Variants in PAM observed in about 807,000 individuals in gnomAD.
PAM encodes peptidyl-glycine alpha-amidating monooxygenase.
In PAM, 72 loss-of-function variants were observed where a neutral mutation model predicts 122.1. The observed-to-expected ratio is 0.59, with a 90% CI of 0.49 to 0.72. The LOEUF (loss-of-function observed/expected upper bound fraction) is 0.72, where lower values mean the gene tolerates loss of function less well. PAM is among the 30% of genes least tolerant of loss of function. The pLI, the probability that PAM is intolerant of heterozygous loss-of-function variation, is 0.00. For missense variants in PAM, 1,106 were observed against 1,183.7 expected, an observed-to-expected ratio of 0.93 and a Z score of 0.96; for synonymous variants, 389 against 404.4, an observed-to-expected ratio of 0.96 and a Z score of 0.46.
rs1788512373 is a variant in PAM, at chr5:102,874,469, G to A, written c.210+7076G>A. Among the ~76,000 whole-genome samples the A allele has an allele frequency of 2.0e-5, 3 of 147,454 alleles. No individual in the cohort carries two copies. The South Asian group carries it at 6.3e-4, about 31-fold the overall frequency. On this transcript the variant is annotated intron_variant, in intron 3 of 25. Coordinates refer to ENST00000438793, the MANE Select transcript of PAM (RefSeq NM_001177306.2). Reference sequence around the variant, plus strand: ...AAGATACGATTGAACTATTAACAATGTTTTTTTTTAATAATAGAAACATGC... The same window carrying A: ...AAGATACGATTGAACTATTAACAATATTTTTTTTTAATAATAGAAACATGC...
chr5:102,766,128 T>A (rs1753865572), intron 1 of PAM, among the ~76,000 whole-genome samples: 1 of 152,176 alleles, frequency 6.6e-6, no homozygotes, highest in Non-Finnish European at 1.5e-5. Flanking sequence ...CTAACCTTTT[T>A]GGCACCAGGA....
intron 14 of PAM, among the ~76,000 whole-genome samples, chr5:102,964,429 C>G (rs1763419472): frequency 6.6e-6 from 1 of 151,876 alleles, no homozygotes; most frequent in Non-Finnish European, 1.5e-5. Context: ...ACCTCAGATT[C>G]TGTCTCAAAA....
rs192895341 is a variant in PAM, at chr5:102,768,551, T to G, written c.-374+13203T>G. Among the ~76,000 whole-genome samples, 411 of 152,282 alleles carry G rather than the reference T, an allele frequency of 2.7e-3. 2 individuals carry two copies. The highest frequency in any genetic ancestry group is 4.7e-3 in the Admixed American group (72 of 15,300). ...TACTATCTCCATGAGTTCAATTGTTTGTATTTTTAGTTCTCACAAATAAGT... is the reference window on the plus strand; with the variant it reads ...TACTATCTCCATGAGTTCAATTGTTGGTATTTTTAGTTCTCACAAATAAGT... On this transcript the variant is annotated intron_variant, in intron 1 of 25. Coordinates refer to ENST00000438793, the MANE Select transcript of PAM (RefSeq NM_001177306.2).
chr5:102,844,530 T>C (rs776984130), intron 1 of PAM, among the ~76,000 whole-genome samples: 1 of 152,040 alleles, frequency 6.6e-6, no homozygotes, highest in African/African-American at 2.4e-5. Flanking sequence ...CAGCTGGGCA[T>C]AGTGGCTCAT....
At chr5:102,975,158 C>T (rs375015008) in intron 15 of PAM, among the ~76,000 whole-genome samples, 1 of 152,098 alleles carries the variant, frequency 6.6e-6, no homozygotes, top group African/African-American at 2.4e-5. Flanking sequence ...ATATTGATTG[C>T]GTTTCATGTT....
At chr5:102,830,182 T>C (rs1775014656) in intron 1 of PAM, among the ~76,000 whole-genome samples, 1 of 152,368 alleles carries the variant, frequency 6.6e-6, no homozygotes, top group South Asian at 2.1e-4. Flanking sequence ...ATATTTTGAA[T>C]ATTACCTAGA....
chr5:102,920,235 T>A (rs1746924155), intron 5 of PAM, among the ~76,000 whole-genome samples: 1 of 152,046 alleles, frequency 6.6e-6, no homozygotes, highest in South Asian at 2.1e-4. Flanking sequence ...AAGTAATGTG[T>A]TTGGTGTAGT....
intron 14 of PAM, among the ~76,000 whole-genome samples, chr5:102,969,126 A>G (rs1765023537): frequency 1.3e-5 from 2 of 152,068 alleles, no homozygotes; most frequent in Non-Finnish European, 2.9e-5. Flanking sequence ...ATTAGGAGGA[A>G]TACCTAATGT....
chr5:102,781,744 T>C (rs1320978257), intron 1 of PAM, among the ~76,000 whole-genome samples: 18 of 152,228 alleles, frequency 1.2e-4, no homozygotes. Flanking sequence ...AGTTATTATA[T>C]ACAGGGACTT....
chr5:102,801,743 G>T (rs1450401433), intron 1 of PAM, among the ~76,000 whole-genome samples: 1 of 143,560 alleles, frequency 7.0e-6, no homozygotes, highest in African/African-American at 2.6e-5. Context: ...TTCCCTCAAA[G>T]TTCCTTATTT....
chr5:102,906,653 CTCATAGGG>C (rs1799648795), intron 4 of PAM, among the ~76,000 whole-genome samples: 1 of 151,668 alleles, frequency 6.6e-6, no homozygotes, highest in Admixed American at 6.6e-5. Flanking sequence ...AAGAACCAGA[CTCATAGGG>C]TCATTGAGAA....
intron 14 of PAM, among the ~76,000 whole-genome samples, chr5:102,963,053 A>T (rs1382151548): frequency 6.6e-6 from 1 of 151,928 alleles, no homozygotes; most frequent in Non-Finnish European, 1.5e-5. Context: ...TATTGCAGAA[A>T]ATAGGCTGTT....
chr5:102,935,439 A>T (rs185585778), intron 7 of PAM, among the ~76,000 whole-genome samples: 2 of 152,136 alleles, frequency 1.3e-5, no homozygotes, highest in Non-Finnish European at 2.9e-5. Flanking sequence ...ATATACTCTA[A>T]TGTGTGTATC....
chr5:102,925,125 A>C, intron 6 of PAM, 83 bp downstream of exon 6: 1 of 788,858 alleles, frequency 1.3e-6, no homozygotes, highest in Non-Finnish European at 2.3e-6. Context: ...GTCCTTTCTA[A>C]CCAGTGTTGA....
intron 16 of PAM, among the ~76,000 whole-genome samples, chr5:102,999,521 C>T (rs567030931): frequency 3.9e-5 from 6 of 152,346 alleles, no homozygotes; most frequent in East Asian, 3.9e-4. Context: ...GGAGACTCTT[C>T]GTGGGGGCTC....
At chr5:102,983,446 CAAA>C (rs70990421) in intron 15 of PAM, among the ~76,000 whole-genome samples, 3 of 103,550 alleles carry the variant, frequency 2.9e-5, no homozygotes, top group Admixed American at 9.2e-5. Flanking sequence ...TGAGACTGTC[CAAA>C]AAAAAAAAAA....
chr5:102,988,472 T>C (rs188136941), intron 15 of PAM, among the ~76,000 whole-genome samples: 2 of 152,196 alleles, frequency 1.3e-5, no homozygotes, highest in Non-Finnish European at 2.9e-5. Context: ...TTATATCCTT[T>C]TATTTACTAA....
At chr5:102,810,893 G>GA (rs1441291908) in intron 1 of PAM, among the ~76,000 whole-genome samples, 4 of 152,172 alleles carry the variant, frequency 2.6e-5, no homozygotes, top group Admixed American at 2.6e-4. Context: ...GTTCTGTGGG[G>GA]AACATGGACT....
At chr5:102,777,988 C>G (rs1472771291) in intron 1 of PAM, among the ~76,000 whole-genome samples, 4 of 152,154 alleles carry the variant, frequency 2.6e-5, no homozygotes, top group African/African-American at 9.7e-5. Context: ...GCGATCATTC[C>G]TTCTGCAGGC....
Sources: allele counts gnomAD v4.1 joint callset (sites outside exome capture counted in the v4.1 genomes callset), GRCh38; gene constraint gnomAD v4.1.1; transcripts MANE v1.5; gene names NCBI Gene and HGNC (gene_info 2026-07-23, HGNC 2026-07-21).